The following THRB variants were observed in gnomAD, a reference collection of about 807,000 sequenced individuals.
THRB encodes the protein nuclear receptor subfamily 1 group A member 2.
THRB carries 12 observed loss-of-function variants against 47.8 expected under a neutral mutation model. That is an observed-to-expected ratio of 0.25 (90% CI 0.16 to 0.41). The LOEUF is 0.41. Among genes scored for constraint, THRB ranks in the 10% least tolerant of loss-of-function variants. The pLI, the probability that THRB is intolerant of heterozygous loss-of-function variation, is 1.00. For synonymous variants in THRB, 218 were observed against 212.2 expected, an observed-to-expected ratio of 1.03 and a Z score of -0.24; for missense variants, 348 against 589.2, an observed-to-expected ratio of 0.59 and a Z score of 4.24.
intron 1 of THRB, among the ~76,000 whole-genome samples, chr3:24,367,849 T>A (rs530767122): frequency 6.6e-6 from 1 of 152,262 alleles, no homozygotes; most frequent in African/African-American, 2.4e-5. Flanking sequence ...GAGAAATGCA[T>A]AAACTGTGAT....
chr3:24,272,371 C>CAACAACAACAAA, intron 3 of THRB, among the ~76,000 whole-genome samples: 1 of 107,170 alleles, frequency 9.3e-6, no homozygotes, highest in East Asian at 3.1e-4. Context: ...ACAACAACAA[C>CAACAACAACAAA]AAACAAAAAC....
chr3:24,349,747 G>T (rs997704299), intron 1 of THRB, among the ~76,000 whole-genome samples: 3 of 151,954 alleles, frequency 2.0e-5, no homozygotes, highest in African/African-American at 4.8e-5. Context: ...TCCTCAGAAA[G>T]ATAACATATG....
At chr3:24,253,974 C>A (rs2050941490) in intron 3 of THRB, among the ~76,000 whole-genome samples, 1 of 147,234 alleles carries the variant, frequency 6.8e-6, no homozygotes. Context: ...TCTTACCACA[C>A]AAGGAAAGCT....
chr3:24,402,831 G>A (rs1020107482), intron 1 of THRB, among the ~76,000 whole-genome samples: 13 of 151,822 alleles, frequency 8.6e-5, no homozygotes, highest in African/African-American at 2.4e-4. Context: ...TATTTGATAC[G>A]CACTGCCAAA....
intron 4 of THRB, among the ~76,000 whole-genome samples, chr3:24,203,002 C>A (rs549486915): frequency 6.6e-6 from 1 of 152,332 alleles, no homozygotes; most frequent in East Asian, 1.9e-4. Context: ...CTTGTAATTA[C>A]TATGGGCCAT....
rs181470980 is a variant in THRB at position 24,188,118 on chromosome 3, C to G, written c.283+1956G>C. Reference sequence around the variant, plus strand: ...ATGAATGCAAAATAAATTATCAACTCTAACGTCCCTGAAGCCTCATGTCCT... The same window carrying G: ...ATGAATGCAAAATAAATTATCAACTGTAACGTCCCTGAAGCCTCATGTCCT... On this transcript the variant is annotated intron_variant, in intron 5 of 10. Coordinates refer to ENST00000646209, the MANE Select transcript of THRB (RefSeq NM_001354712.2). Among the ~76,000 whole-genome samples, 14 of 152,338 alleles carry G rather than the reference C, an allele frequency of 9.2e-5. No homozygotes were observed. The East Asian group carries it at 2.5e-3, about 27-fold the overall frequency.
chr3:24,324,759 C>CTT, intron 2 of THRB, among the ~76,000 whole-genome samples: 1 of 152,178 alleles, frequency 6.6e-6, no homozygotes, highest in African/African-American at 2.4e-5. Context: ...AATGAGAACA[C>CTT]TAAAGGTCCA....
At chr3:24,310,715 T>C (rs941330604) in intron 2 of THRB, among the ~76,000 whole-genome samples, 4 of 152,160 alleles carry the variant, frequency 2.6e-5, no homozygotes, top group African/African-American at 9.7e-5. Context: ...TCTGCAAACA[T>C]GGTGATTGTC....
chr3:24,156,917 G>A (rs1390534533), intron 5 of THRB, among the ~76,000 whole-genome samples: 3 of 152,132 alleles, frequency 2.0e-5, no homozygotes, highest in Non-Finnish European at 2.9e-5. Flanking sequence ...CCCAACATAC[G>A]AATCCTGATT....
At chr3:24,459,478 C>T (rs970669889) in intron 1 of THRB, 5 of 152,152 alleles carry the variant, frequency 3.3e-5, no homozygotes, top group African/African-American at 9.7e-5. Flanking sequence ...GGTATATACC[C>T]AGTAATGGGA....
At chr3:24,463,089 A>C (rs2073837995) in intron 1 of THRB, among the ~76,000 whole-genome samples, 1 of 152,216 alleles carries the variant, frequency 6.6e-6, no homozygotes, top group Non-Finnish European at 1.5e-5. Context: ...CTGATTAGTA[A>C]GACAGTATTG....
In THRB at chr3:24,183,368, CTTTT is replaced by C. The variant is rs1193344905; in HGVS notation, c.283+6702_283+6705del. On this transcript the variant is annotated intron_variant, in intron 5 of 10. Transcript: ENST00000646209. ...TTTTCTTCTTTTTCTTTTTTCTTTT[CTTTT>C]TTTTTTTTTTTTGAGACAGAGTCTC... 7.1e-5 allele frequency among the ~76,000 whole-genome samples: 6 copies of C among 84,270 alleles called. No homozygotes were observed. The Admixed American group carries it at 7.3e-4, about 10-fold the overall frequency. The allele number at this position is 84,270 out of a possible 152,430, so 55.3% of individuals were successfully genotyped here.
At chr3:24,269,527 G>C (rs1412983969) in intron 3 of THRB, among the ~76,000 whole-genome samples, 1 of 152,066 alleles carries the variant, frequency 6.6e-6, no homozygotes, top group African/African-American at 2.4e-5. Flanking sequence ...CTGGGCTCAA[G>C]TGATGCTCCT....
intron 4 of THRB, among the ~76,000 whole-genome samples, chr3:24,207,909 C>G (rs982278732): frequency 6.6e-6 from 1 of 152,084 alleles, no homozygotes; most frequent in African/African-American, 2.4e-5. Flanking sequence ...TCAAATTGTC[C>G]CTGTTTGCAG....
chr3:24,264,767 A>C (rs2052463807), intron 3 of THRB, among the ~76,000 whole-genome samples: 1 of 148,672 alleles, frequency 6.7e-6, no homozygotes, highest in Non-Finnish European at 1.5e-5. Context: ...TGACACTTAG[A>C]GAACCCCCTA....
chr3:24,152,159 G>C (rs1004520217), intron 6 of THRB, among the ~76,000 whole-genome samples: 1 of 152,104 alleles, frequency 6.6e-6, no homozygotes, highest in Non-Finnish European at 1.5e-5. Flanking sequence ...ACTTGCAGAA[G>C]TAAAGAAACC....
At chr3:24,383,116 G>T (rs1464513247) in intron 1 of THRB, among the ~76,000 whole-genome samples, 3 of 152,000 alleles carry the variant, frequency 2.0e-5, no homozygotes, top group African/African-American at 7.2e-5. Context: ...ACTTGTTTGC[G>T]ATTAATATCT....
At chr3:24,161,442 A>G (rs1006257007) in intron 5 of THRB, among the ~76,000 whole-genome samples, 1 of 152,122 alleles carries the variant, frequency 6.6e-6, no homozygotes, top group African/African-American at 2.4e-5. Context: ...AGAGAGAGGG[A>G]GAGAAAGAGA....
chr3:24,436,381 C>T (rs1410632517), intron 1 of THRB, among the ~76,000 whole-genome samples: 1 of 152,088 alleles, frequency 6.6e-6, no homozygotes, highest in East Asian at 1.9e-4. Flanking sequence ...AAACGCACAG[C>T]AGTAAACAAG....
Sources: allele counts gnomAD v4.1 joint callset (sites outside exome capture counted in the v4.1 genomes callset), GRCh38; gene constraint gnomAD v4.1.1; transcripts MANE v1.5; gene names NCBI Gene and HGNC (gene_info 2026-07-23, HGNC 2026-07-21).